TTC28: variants seen among roughly 807,000 people sequenced by gnomAD.
The protein encoded by TTC28 is tetratricopeptide repeat domain 28.
A neutral mutation model predicts 198.0 loss-of-function variants in TTC28; 61 were observed. The observed-to-expected ratio is 0.31, with a 90% CI of 0.25 to 0.38. The LOEUF is 0.38. Among genes scored for constraint, TTC28 ranks in the 10% least tolerant of loss-of-function variants. TTC28 has a pLI of 1.00. For missense variants in TTC28, 2,678 were observed against 3,164.0 expected, an observed-to-expected ratio of 0.85 and a Z score of 3.69; for synonymous variants, 1,171 against 1,297.8, an observed-to-expected ratio of 0.90 and a Z score of 2.10.
chr22:28,378,345 C>CAAAAA (rs134525), intron 2 of TTC28, among the ~76,000 whole-genome samples: 1 of 75,924 alleles, frequency 1.3e-5, no homozygotes, highest in Admixed American at 1.4e-4. Context: ...GACTCTGTCT[C>CAAAAA]AAAAAAAAAA....
intron 12 of TTC28, among the ~76,000 whole-genome samples, chr22:28,052,974 A>G (rs983650253): frequency 6.6e-6 from 1 of 152,256 alleles, no homozygotes; most frequent in African/African-American, 2.4e-5. Context: ...CTGTGTGTGC[A>G]GCAGACCCCC....
At chr22:28,037,391 A>AG (rs1486445453) in intron 12 of TTC28, among the ~76,000 whole-genome samples, 1 of 152,254 alleles carries the variant, frequency 6.6e-6, no homozygotes, top group Non-Finnish European at 1.5e-5. Context: ...GTAATCCAGC[A>AG]TATAAACAGA....
rs11702990 is a variant in TTC28, at chr22:28,291,802, A to C, written c.933+4396T>G. On this transcript the variant is annotated intron_variant, in intron 5 of 22. Transcript: ENST00000397906. ...ACTTTTGAAACAACCTAAATATATA[A>C]CAGTAGGAAAACAGATGAAATGAAT... 2.6e-5 allele frequency among the ~76,000 whole-genome samples: 4 copies of C among 152,330 alleles called. No individual in the cohort carries two copies. The South Asian group carries it at 8.3e-4, about 32-fold the overall frequency.
At chr22:28,440,819 A>T (rs926749708) in intron 2 of TTC28, among the ~76,000 whole-genome samples, 6 of 152,204 alleles carry the variant, frequency 3.9e-5, no homozygotes, top group African/African-American at 1.4e-4. Context: ...CTTTGTAAAG[A>T]CTTACTGGTG....
rs1415345301 is a variant in TTC28, at chr22:28,679,555, C to G, written c.102+67G>C. The G allele has an allele frequency of 2.9e-5, 27 of 943,596 alleles. No homozygotes were observed. In the Admixed American group the frequency reaches 8.8e-4, roughly 31 times the overall value. The allele number at this position is 943,596 out of a possible 1,614,324, so 58.5% of individuals were successfully genotyped here. A position where few individuals can be genotyped will look rare whatever the true frequency, so the allele number is the denominator to read the frequency against. On this transcript the variant is annotated intron_variant, in intron 1 of 22. Transcript: ENST00000397906. ...CAGGCGCTCCTCTGCCGCTGAGGCCCGGCCCGGCTCCCACCGCCGGAGTTT... is the reference window on the plus strand; with the variant it reads ...CAGGCGCTCCTCTGCCGCTGAGGCCGGGCCCGGCTCCCACCGCCGGAGTTT...
At chr22:28,200,757 G>A (rs952085499) in intron 5 of TTC28, among the ~76,000 whole-genome samples, 21 of 152,078 alleles carry the variant, frequency 1.4e-4, no homozygotes, top group Admixed American at 1.4e-3. Flanking sequence ...TGTCAAGTTG[G>A]GACACTAGAA....
chr22:28,138,710 G>A (rs576476257), intron 6 of TTC28, among the ~76,000 whole-genome samples: 9 of 152,282 alleles, frequency 5.9e-5, no homozygotes, highest in East Asian at 1.9e-4. Flanking sequence ...CAGGCAGTAC[G>A]TGAGAGACCC....
intron 15 of TTC28, 30 bp from the exon 16 acceptor site, chr22:27,999,290 C>A (rs1171524031): frequency 6.6e-7 from 1 of 1,518,180 alleles, no homozygotes; most frequent in Non-Finnish European, 8.9e-7. Context: ...AGCAGACCAC[C>A]CGTCAGACAG....
chr22:28,659,052 A>G (rs2051702905), intron 1 of TTC28, among the ~76,000 whole-genome samples: 1 of 152,152 alleles, frequency 6.6e-6, no homozygotes, highest in Non-Finnish European at 1.5e-5. Flanking sequence ...ATCATGTAAG[A>G]AAACAGCAGG....
chr22:27,989,153 T>C (rs1304127575), intron 21 of TTC28, among the ~76,000 whole-genome samples: 2 of 152,178 alleles, frequency 1.3e-5, no homozygotes, highest in East Asian at 3.9e-4. Flanking sequence ...CACAGCAATA[T>C]GTCAGGAGTC....
chr22:28,249,206 T>C (rs1029237557), intron 5 of TTC28, among the ~76,000 whole-genome samples: 1 of 151,970 alleles, frequency 6.6e-6, no homozygotes, highest in South Asian at 2.1e-4. Flanking sequence ...CACTTGGGAG[T>C]TGTGACCTTG....
intron 2 of TTC28, among the ~76,000 whole-genome samples, chr22:28,421,656 A>G (rs1407724024): frequency 6.6e-6 from 1 of 152,200 alleles, no homozygotes. Context: ...TCGGATCAAG[A>G]AGAGTCATGG....
intron 12 of TTC28, among the ~76,000 whole-genome samples, chr22:28,085,431 A>C (rs1941547157): frequency 6.6e-6 from 1 of 152,172 alleles, no homozygotes; most frequent in Admixed American, 6.5e-5. Context: ...AGTGAAGGAG[A>C]AATAAAATCC....
At chr22:28,378,968 AATC>A (rs2046455065) in intron 2 of TTC28, among the ~76,000 whole-genome samples, 1 of 152,144 alleles carries the variant, frequency 6.6e-6, no homozygotes, top group African/African-American at 2.4e-5. Flanking sequence ...GACACATCAT[AATC>A]AATTTTTTAA....
intron 11 of TTC28, among the ~76,000 whole-genome samples, chr22:28,095,371 T>G (rs1483257146): frequency 6.9e-6 from 1 of 145,728 alleles, no homozygotes; most frequent in Non-Finnish European, 1.5e-5. Flanking sequence ...CAGCCATCAT[T>G]TTTTTTTTTT....
At chr22:28,631,541 T>C (rs959228305) in intron 1 of TTC28, among the ~76,000 whole-genome samples, 3 of 152,178 alleles carry the variant, frequency 2.0e-5, no homozygotes, top group African/African-American at 7.2e-5. Flanking sequence ...TGGGTTTTTT[T>C]GAGACAGGGT....
At chr22:28,671,459 CCCCAT>C (rs2051881801) in intron 1 of TTC28, among the ~76,000 whole-genome samples, 1 of 151,572 alleles carries the variant, frequency 6.6e-6, no homozygotes, top group Non-Finnish European at 1.5e-5. Context: ...CACAGTGAAA[CCCCAT>C]CTCTACTAAA....
At position 27,981,564 on chromosome 22, in the gene TTC28, C is replaced by T. The variant is rs1220913366; in HGVS notation, c.*657G>A. On this transcript the variant is annotated 3_prime_UTR_variant, in exon 23 of 23. Coordinates refer to ENST00000397906, the MANE Select transcript of TTC28 (RefSeq NM_001145418.2). ...AATTCAAGTTTGGTTGACAGCGGGA[C>T]CCAAAAGACATTTGCAGAGCAGAGT... is the stretch of plus-strand genomic sequence containing the variant. The T allele has an allele frequency of 6.6e-6, 1 of 151,452 alleles. No homozygotes were observed. Among genetic ancestry groups the T allele is most frequent in the Non-Finnish European group, 1.5e-5 (1 of 67,946 alleles). The allele number at this position is 151,452 out of a possible 1,614,324, so 9.4% of individuals were successfully genotyped here. A position where few individuals can be genotyped will look rare whatever the true frequency, so the allele number is the denominator to read the frequency against.
intron 2 of TTC28, among the ~76,000 whole-genome samples, chr22:28,488,881 C>T (rs553993724): frequency 6.6e-6 from 1 of 152,254 alleles, no homozygotes; most frequent in African/African-American, 2.4e-5. Flanking sequence ...TGTAAGGAAA[C>T]AAGCCACCAT....
Sources: allele counts gnomAD v4.1 joint callset (sites outside exome capture counted in the v4.1 genomes callset), GRCh38; gene constraint gnomAD v4.1.1; transcripts MANE v1.5; gene names NCBI Gene and HGNC (gene_info 2026-07-23, HGNC 2026-07-21).